Variants in IL1RAPL1 observed in about 807,000 individuals in gnomAD.
IL1RAPL1 encodes the protein interleukin-1 receptor accessory protein-like 1.
In IL1RAPL1, 3 loss-of-function variants were observed where a neutral mutation model predicts 48.4. The observed-to-expected ratio is 0.06, with a 90% CI of 0.03 to 0.16. The LOEUF is 0.16. Ranked by LOEUF, IL1RAPL1 falls within the 10% of genes least tolerant of loss-of-function variation. The probability of loss-of-function intolerance (pLI) is 1.00; values close to 1 mark genes in which losing one functional copy is unlikely to be tolerated. For synonymous variants in IL1RAPL1, 185 were observed against 187.7 expected, an observed-to-expected ratio of 0.99 and a Z score of 0.12; for missense variants, 349 against 530.6, an observed-to-expected ratio of 0.66 and a Z score of 3.36.
At chrX:29,348,906 C>T (rs1313783130) in intron 3 of IL1RAPL1, among the ~76,000 whole-genome samples, 1 of 111,844 alleles carries the variant, frequency 8.9e-6, no homozygotes, top group African/African-American at 3.3e-5. Context: ...TTCCTTGTAA[C>T]TGCCAAATGT....
In IL1RAPL1 at chrX:28,615,219, T is replaced by TTG. The variant is rs1569138802; in HGVS notation, c.-25+27173_-25+27174insGT. On this transcript the variant is annotated intron_variant, in intron 1 of 10. Coordinates refer to ENST00000378993, the MANE Select transcript of IL1RAPL1 (RefSeq NM_014271.4). ...TGTCTGTTTTTTTTTTTTTTTTTTT[T>TTG]TTTTTTTTTTTTTTTACCTACAAAT... 1.2e-3 allele frequency among the ~76,000 whole-genome samples: 112 copies of TTG among 91,646 alleles called. No homozygotes were observed. The East Asian group carries it at 0.021, about 17-fold the overall frequency. The allele number at this position is 91,646 out of a possible 115,157, so 79.6% of individuals were successfully genotyped here.
chrX:29,497,786 C>T (rs765656319), intron 5 of IL1RAPL1, among the ~76,000 whole-genome samples: 1,472 of 67,955 alleles, frequency 0.022, 35 homozygotes, highest in African/African-American at 0.11. Flanking sequence ...ATTTTAAAAC[C>T]AGTTTATTTT....
intron 1 of IL1RAPL1, among the ~76,000 whole-genome samples, chrX:28,680,512 G>A (rs1601857091): frequency 1.8e-5 from 2 of 111,193 alleles, no homozygotes. Context: ...GTAAGCATGG[G>A]TACCCTAGCT....
At chrX:28,622,140 C>A (rs985579142) in intron 1 of IL1RAPL1, among the ~76,000 whole-genome samples, 1 of 111,397 alleles carries the variant, frequency 9.0e-6, no homozygotes, top group Non-Finnish European at 1.9e-5. Context: ...AAAATATAAA[C>A]CATGGGCAAA....
intron 5 of IL1RAPL1, among the ~76,000 whole-genome samples, chrX:29,429,250 T>A (rs1569309336): frequency 8.9e-6 from 1 of 111,879 alleles, no homozygotes; most frequent in African/African-American, 3.3e-5. Context: ...TACTACAGAG[T>A]AAGTAGCAGT....
In IL1RAPL1 at chrX:28,594,712, G is replaced by A. The variant is rs138174941; in HGVS notation, c.-25+6665G>A. 4.5e-3 allele frequency among the ~76,000 whole-genome samples: 498 copies of A among 111,768 alleles called. 3 individuals carry two copies. The highest frequency in any genetic ancestry group is 0.015 in the African/African-American group (458 of 30,827). ...TTAGTACAGCTAATGTTGGCATATC[G>A]AATCCTTTGGCCTCTAGCTTACTTT... On this transcript the variant is annotated intron_variant, in intron 1 of 10. Transcript: ENST00000378993.
chrX:29,553,255 G>A (rs1316876587), intron 5 of IL1RAPL1, among the ~76,000 whole-genome samples: 2 of 111,823 alleles, frequency 1.8e-5, no homozygotes, highest in Non-Finnish European at 1.9e-5. Flanking sequence ...ATGGCTAGGA[G>A]TTGGGCTGTA....
intron 1 of IL1RAPL1, among the ~76,000 whole-genome samples, chrX:28,648,046 C>T (rs369994446): frequency 9.0e-6 from 1 of 111,461 alleles, no homozygotes; most frequent in African/African-American, 3.3e-5. Context: ...CAGTTCTTAC[C>T]ACTCTTCCCC....
rs191832477 is a variant in IL1RAPL1 at position 29,940,609 on chromosome X, G to A, written c.1058-1042G>A. 5.3e-3 allele frequency among the ~76,000 whole-genome samples: 594 copies of A among 111,895 alleles called. 2 individuals are homozygous for A. Among genetic ancestry groups the A allele is most frequent in the Middle Eastern group, 0.014 (3 of 215 alleles). On this transcript the variant is annotated intron_variant, in intron 8 of 10. Coordinates refer to ENST00000378993, the MANE Select transcript of IL1RAPL1 (RefSeq NM_014271.4). ...TTGGGCTGTGATGATTACCGACAAC[G>A]CTTAAAGTGAGTTTCAAAAATCTAT...
At chrX:29,259,124 G>T (rs1931807012) in intron 2 of IL1RAPL1, among the ~76,000 whole-genome samples, 2 of 111,517 alleles carry the variant, frequency 1.8e-5, no homozygotes, top group African/African-American at 6.5e-5. Flanking sequence ...GCTCTTCAAG[G>T]GGTTTATGGT....
chrX:29,571,014 G>A (rs1461572701), intron 5 of IL1RAPL1, among the ~76,000 whole-genome samples: 2 of 111,848 alleles, frequency 1.8e-5, no homozygotes, highest in Non-Finnish European at 3.8e-5. Flanking sequence ...GAGGTCAGCA[G>A]ATCGAGACCA....
intron 1 of IL1RAPL1, among the ~76,000 whole-genome samples, chrX:28,700,588 G>A (rs1229591636): frequency 9.2e-6 from 1 of 108,589 alleles, no homozygotes; most frequent in Non-Finnish European, 1.9e-5. Flanking sequence ...AAAACGTGCA[G>A]GTTTGTTACA....
intron 5 of IL1RAPL1, among the ~76,000 whole-genome samples, chrX:29,489,198 T>G (rs1010681329): frequency 9.0e-6 from 1 of 111,724 alleles, no homozygotes; most frequent in Non-Finnish European, 1.9e-5. Context: ...CCAGTTCTGC[T>G]TTAACTTGAG....
intron 5 of IL1RAPL1, among the ~76,000 whole-genome samples, chrX:29,538,870 G>T (rs1190430123): frequency 9.0e-6 from 1 of 111,360 alleles, no homozygotes; most frequent in African/African-American, 3.3e-5. Flanking sequence ...ATGAAGTTCA[G>T]TCTAAATAGC....
At chrX:28,868,231 C>T (rs1922125996) in intron 2 of IL1RAPL1, among the ~76,000 whole-genome samples, 1 of 110,842 alleles carries the variant, frequency 9.0e-6, no homozygotes, top group Admixed American at 9.6e-5. Flanking sequence ...TCATCATGGG[C>T]GTATCAAGTA....
intron 2 of IL1RAPL1, among the ~76,000 whole-genome samples, chrX:29,012,236 A>T (rs1206405135): frequency 8.9e-6 from 1 of 112,659 alleles, no homozygotes; most frequent in Non-Finnish European, 1.9e-5. Context: ...AAGATGGATA[A>T]GTCATCAGTT....
At chrX:29,017,119 G>A (rs943941579) in intron 2 of IL1RAPL1, among the ~76,000 whole-genome samples, 4 of 111,726 alleles carry the variant, frequency 3.6e-5, no homozygotes, top group Admixed American at 9.5e-5. Context: ...TATATGATTC[G>A]ACGTGAATCT....
At chrX:28,874,376 G>T (rs903641469) in intron 2 of IL1RAPL1, among the ~76,000 whole-genome samples, 4 of 111,859 alleles carry the variant, frequency 3.6e-5, no homozygotes, top group African/African-American at 1.3e-4. Flanking sequence ...AAAATAAATA[G>T]AAATATAGAA....
intron 2 of IL1RAPL1, among the ~76,000 whole-genome samples, chrX:29,052,904 T>A (rs1194589256): frequency 9.0e-6 from 1 of 111,594 alleles, no homozygotes; most frequent in African/African-American, 3.3e-5. Context: ...AGTTCAGGGA[T>A]ACATGTGCAG....
Sources: gnomAD v4.1 joint callset for allele counts (sites outside exome capture counted in the v4.1 genomes callset) on GRCh38, gnomAD v4.1.1 for gene constraint, MANE v1.5 for transcripts, NCBI Gene and HGNC (gene_info 2026-07-23, HGNC 2026-07-21) for gene names.